Variants in YTHDC1 observed in about 807,000 individuals in gnomAD.
YTHDC1 encodes the protein YTH N6-methyladenosine RNA binding protein C1.
YTHDC1 carries 12 observed loss-of-function variants against 107.0 expected under a neutral mutation model. That is an observed-to-expected ratio of 0.11 (90% CI 0.07 to 0.18). The LOEUF (loss-of-function observed/expected upper bound fraction) is 0.18, where lower values mean the gene tolerates loss of function less well. Among genes scored for constraint, YTHDC1 ranks in the 10% least tolerant of loss-of-function variants. The pLI is 1.00. For missense variants in YTHDC1, 635 were observed against 898.8 expected, an observed-to-expected ratio of 0.71 and a Z score of 3.75; for synonymous variants, 280 against 289.5, an observed-to-expected ratio of 0.97 and a Z score of 0.33.
chr4:68,332,553 T>TACACAC (rs200817025), intron 6 of YTHDC1, among the ~76,000 whole-genome samples: 1 of 151,546 alleles, frequency 6.6e-6, no homozygotes, highest in Non-Finnish European at 1.5e-5. Context: ...CATACACACA[T>TACACAC]ACACACACAC....
intron 7 of YTHDC1, among the ~76,000 whole-genome samples, chr4:68,330,789 AT>A (rs1245416112): frequency 6.6e-6 from 1 of 151,282 alleles, no homozygotes; most frequent in Non-Finnish European, 1.5e-5. Flanking sequence ...TTAAGTTCAA[AT>A]TTTTATGTAT....
At position 68,313,915 on chromosome 4, in the gene YTHDC1, G is replaced by A; in HGVS notation, c.*184C>T. On this transcript the variant is annotated 3_prime_UTR_variant, in exon 17 of 17. Coordinates refer to ENST00000344157, the MANE Select transcript of YTHDC1 (RefSeq NM_001031732.4). ...AACTGTCAGCTGTGGATTTTTGGCG[G>A]ATTTGAGTTTTTCCAGTTCTTATGA... is the stretch of plus-strand genomic sequence containing the variant. The A allele has an allele frequency of 1.5e-6, 1 of 658,652 alleles. No individual in the cohort carries two copies. The highest frequency in any genetic ancestry group is 2.6e-6 in the Non-Finnish European group (1 of 389,586). The allele number at this position is 658,652 out of a possible 1,614,324, so 40.8% of individuals were successfully genotyped here.
At chr4:68,335,740 A>C (rs1724084579) in intron 4 of YTHDC1, among the ~76,000 whole-genome samples, 3 of 151,998 alleles carry the variant, frequency 2.0e-5, no homozygotes, top group Non-Finnish European at 2.9e-5. Flanking sequence ...TATTATCTTA[A>C]ATTATAAAAA....
intron 1 of YTHDC1, among the ~76,000 whole-genome samples, chr4:68,344,257 C>CT (rs1215363968): frequency 6.7e-6 from 1 of 149,898 alleles, no homozygotes; most frequent in Admixed American, 6.6e-5. Context: ...TAAGCAAGTA[C>CT]TTTATCTTTA....
intron 4 of YTHDC1, among the ~76,000 whole-genome samples, chr4:68,336,173 T>C (rs1724138511): frequency 6.6e-6 from 1 of 151,502 alleles, no homozygotes. Context: ...TAATAAACTG[T>C]AAATGTATTT....
At chr4:68,342,791 A>G (rs375742893) in intron 1 of YTHDC1, among the ~76,000 whole-genome samples, 30 of 152,156 alleles carry the variant, frequency 2.0e-4, no homozygotes, top group Admixed American at 2.0e-3. Context: ...ATACTCTCAC[A>G]AGCTACTGCT....
intron 15 of YTHDC1, among the ~76,000 whole-genome samples, chr4:68,317,784 T>C (rs1221413243): frequency 6.6e-6 from 1 of 152,214 alleles, no homozygotes; most frequent in Non-Finnish European, 1.5e-5. Context: ...GTCAATTTCA[T>C]TCACCATGAT....
At chr4:68,332,436 T>C (rs781529168) in intron 6 of YTHDC1, among the ~76,000 whole-genome samples, 22 of 152,116 alleles carry the variant, frequency 1.4e-4, no homozygotes, top group Non-Finnish European at 2.5e-4. Flanking sequence ...AAATCCATAT[T>C]TAAGTATGAA....
At position 68,337,418 on chromosome 4, in the gene YTHDC1, G is replaced by C. The variant is rs1724309312; in HGVS notation, c.492C>G (p.Ser164Arg). The C allele has an allele frequency of 6.2e-7, 1 of 1,613,978 alleles. No homozygotes were observed. Among genetic ancestry groups the C allele is most frequent in the African/African-American group, 1.3e-5 (1 of 74,906 alleles). ...RIGLEVDRRASRSSQSSKEEV... is the reference protein window; with the variant it reads ...RIGLEVDRRARRSSQSSKEEV... ...CTTCCTTAGAAGACTGGCTGGATCT[G>C]CTTGCACGTCTATCCACTTCAAGCC... Residue 164 changes from serine (S) to arginine (R), a missense_variant, in exon 4 of 17, where the codon AGC (serine) becomes AGG (arginine). Around this residue, in one of 5 missense-constraint regions of YTHDC1, gnomAD observed 294 missense variants for 312.3 expected, o/e 0.94. Coordinates refer to ENST00000344157, the MANE Select transcript of YTHDC1 (RefSeq NM_001031732.4).
intron 2 of YTHDC1, 24 bp from the exon 3 acceptor site, chr4:68,337,924 A>T: frequency 1.9e-6 from 3 of 1,586,860 alleles, no homozygotes; most frequent in Non-Finnish European, 2.6e-6. Flanking sequence ...TGTAAAAAAA[A>T]AAAAAAGAAG....
chr4:68,337,926 A>G (rs764256148), intron 2 of YTHDC1, 26 bp from the exon 3 acceptor site: 15 of 1,585,756 alleles, frequency 9.5e-6, no homozygotes, highest in East Asian at 2.3e-5. Context: ...TAAAAAAAAA[A>G]AAAAGAAGTA....
chr4:68,325,722 GA>G (rs1300392996), intron 9 of YTHDC1, among the ~76,000 whole-genome samples: 1 of 152,006 alleles, frequency 6.6e-6, no homozygotes, highest in Non-Finnish European at 1.5e-5. Context: ...TAAACCTCAG[GA>G]AAAACTTTGA....
At chr4:68,331,187 T>C (rs1213851433) in intron 7 of YTHDC1, among the ~76,000 whole-genome samples, 1 of 152,190 alleles carries the variant, frequency 6.6e-6, no homozygotes, top group African/African-American at 2.4e-5. Flanking sequence ...TATACTGTGT[T>C]TAAGTTTGTA....
chr4:68,312,497 G>A lies in YTHDC1; in HGVS notation c.*1602C>T, dbSNP rs1313771078. 3.3e-5 allele frequency: 5 copies of A among 152,116 alleles called. No homozygotes were observed. The East Asian group carries it at 5.8e-4, about 18-fold the overall frequency. 9.4% of individuals were successfully genotyped at this position (152,116 alleles called of 1,614,324 possible). Reference sequence around the variant, plus strand: ...TTAATTAAAGACAATGACAAAACTAGAACCCAGGTTTCCTTAAAAGTACTT... The same window carrying A: ...TTAATTAAAGACAATGACAAAACTAAAACCCAGGTTTCCTTAAAAGTACTT... On this transcript the variant is annotated 3_prime_UTR_variant, in exon 17 of 17. Coordinates refer to ENST00000344157, the MANE Select transcript of YTHDC1 (RefSeq NM_001031732.4).
At chr4:68,319,090 T>C (rs1318224818) in intron 12 of YTHDC1, among the ~76,000 whole-genome samples, 2 of 152,178 alleles carry the variant, frequency 1.3e-5, no homozygotes, top group Non-Finnish European at 2.9e-5. Context: ...AGCTTTCAGA[T>C]AGGTATCTTC....
chr4:68,336,143 T>C (rs1424138696), intron 4 of YTHDC1, among the ~76,000 whole-genome samples: 5 of 150,720 alleles, frequency 3.3e-5, no homozygotes, highest in South Asian at 2.1e-4. Flanking sequence ...CAATGTACTA[T>C]TATAAATGAT....
intron 1 of YTHDC1, among the ~76,000 whole-genome samples, chr4:68,339,835 G>A (rs538255222): frequency 6.6e-6 from 1 of 152,204 alleles, no homozygotes; most frequent in East Asian, 1.9e-4. Context: ...GTTCAGAGAA[G>A]GGAACTATGA....
chr4:68,330,339 T>G (rs762541125), intron 7 of YTHDC1, 29 bp from the exon 8 acceptor site: 1 of 1,382,922 alleles, frequency 7.2e-7, no homozygotes, highest in Admixed American at 2.4e-5. Context: ...GACCACAAAG[T>G]GAAATTAACT....
intron 1 of YTHDC1, among the ~76,000 whole-genome samples, chr4:68,348,403 A>T (rs138383341): frequency 0.02 from 2,983 of 152,048 alleles, 47 homozygotes; most frequent in Non-Finnish European, 0.027. Context: ...AACTGAGTTA[A>T]CTAATTAAAA....
Sources: gnomAD v4.1 joint callset for allele counts (sites outside exome capture counted in the v4.1 genomes callset) on GRCh38, gnomAD v4.1.1 for gene constraint, gnomAD v4.1.1 regional missense constraint, MANE v1.5 for transcripts, NCBI Gene and HGNC (gene_info 2026-07-23, HGNC 2026-07-21) for gene names.